KCNIP1: variants seen among roughly 807,000 people sequenced by gnomAD.
The protein encoded by KCNIP1 is potassium voltage-gated channel interacting protein 1, also known as A-type potassium channel modulatory protein KCNIP1.
Under a neutral mutation model 33.0 loss-of-function variants are expected in KCNIP1, and 18 were observed. The ratio of observed to expected loss-of-function variants is 0.55; its 90% CI spans 0.38 to 0.81. The LOEUF (loss-of-function observed/expected upper bound fraction) is 0.81. Among genes scored for constraint, KCNIP1 ranks in the 30% least tolerant of loss-of-function variants. KCNIP1 has a pLI of 0.00. For synonymous variants in KCNIP1, 93 were observed against 98.3 expected (o/e 0.95, Z 0.32); for missense variants, 238 against 271.6 (o/e 0.88, Z 0.87).
intron 1 of KCNIP1, among the ~76,000 whole-genome samples, chr5:170,644,437 A>T (rs1581438902): frequency 1.3e-5 from 2 of 152,098 alleles, no homozygotes; most frequent in East Asian, 3.9e-4. Context: ...CAAAGTCCAG[A>T]CTCCACTGGA....
chr5:170,397,767 T>A (rs1427028570), intron 1 of KCNIP1, among the ~76,000 whole-genome samples: 2 of 152,320 alleles, frequency 1.3e-5, no homozygotes, highest in East Asian at 3.9e-4. Flanking sequence ...TCAGGAGACC[T>A]TGAGAATATG....
At chr5:170,478,559 A>G (rs1359660622) in intron 1 of KCNIP1, among the ~76,000 whole-genome samples, 2 of 152,070 alleles carry the variant, frequency 1.3e-5, no homozygotes, top group Non-Finnish European at 2.9e-5. Flanking sequence ...CCTGTGTCCG[A>G]AGGCTTACTG....
At chr5:170,653,156 C>G (rs772010006) in intron 1 of KCNIP1, among the ~76,000 whole-genome samples, 10 of 152,328 alleles carry the variant, frequency 6.6e-5, no homozygotes, top group Admixed American at 1.3e-4. Flanking sequence ...GTCAGCCCAG[C>G]TATGAACCCC....
chr5:170,359,771 C>T (rs1763453532), intron 1 of KCNIP1, among the ~76,000 whole-genome samples: 1 of 152,176 alleles, frequency 6.6e-6, no homozygotes, highest in Non-Finnish European at 1.5e-5. Context: ...GCAGCAGGCC[C>T]AGCATTCCCT....
chr5:170,531,827 C>A (rs967512869), intron 1 of KCNIP1, among the ~76,000 whole-genome samples: 1 of 151,072 alleles, frequency 6.6e-6, no homozygotes, highest in Non-Finnish European at 1.5e-5. Flanking sequence ...CCCTTCCCAG[C>A]AAAGGAAAGT....
At chr5:170,569,373 G>A (rs537141286) in intron 1 of KCNIP1, among the ~76,000 whole-genome samples, 1 of 152,346 alleles carries the variant, frequency 6.6e-6, no homozygotes, top group South Asian at 2.1e-4. Flanking sequence ...TTTGACACTT[G>A]GCAAACATTT....
chr5:170,475,799 T>A (rs1443206188), intron 1 of KCNIP1, among the ~76,000 whole-genome samples: 2 of 151,840 alleles, frequency 1.3e-5, no homozygotes, highest in Non-Finnish European at 2.9e-5. Context: ...CCAATTTTGT[T>A]CAGGAATCCA....
intron 1 of KCNIP1, among the ~76,000 whole-genome samples, chr5:170,523,845 C>T (rs917110201): frequency 3.3e-5 from 5 of 152,192 alleles, no homozygotes; most frequent in African/African-American, 7.2e-5. Context: ...TCCATATTCT[C>T]TTCCCAGCCA....
intron 1 of KCNIP1, among the ~76,000 whole-genome samples, chr5:170,391,756 G>T (rs1754601543): frequency 6.6e-6 from 1 of 152,182 alleles, no homozygotes. Context: ...AAGTTACTTT[G>T]CCTCTCTAAG....
At chr5:170,535,508 ATGTGGGACTAGACAAAAGATGAG>A (rs1178369195) in intron 1 of KCNIP1, among the ~76,000 whole-genome samples, 6 of 152,076 alleles carry the variant, frequency 3.9e-5, no homozygotes, top group Admixed American at 1.3e-4. Context: ...ACTTCTGCTG[ATGTGGGACTAGACAAAAGATGAG>A]AGGGGACCAC....
chr5:170,630,346 T>C (rs1412171273), intron 1 of KCNIP1, among the ~76,000 whole-genome samples: 1 of 152,258 alleles, frequency 6.6e-6, no homozygotes, highest in Non-Finnish European at 1.5e-5. Flanking sequence ...TCCAGCAACA[T>C]GCATTCATTG....
intron 1 of KCNIP1, among the ~76,000 whole-genome samples, chr5:170,572,927 A>G (rs565141184): frequency 6.6e-6 from 1 of 152,368 alleles, no homozygotes; most frequent in East Asian, 1.9e-4. Flanking sequence ...AACATTACCT[A>G]TACCATCTCA....
At chr5:170,729,532 T>C (rs1379659368) in intron 5 of KCNIP1, among the ~76,000 whole-genome samples, 2 of 151,944 alleles carry the variant, frequency 1.3e-5, no homozygotes, top group East Asian at 3.9e-4. Context: ...TCTACACGAA[T>C]ATATAAAGAG....
intron 1 of KCNIP1, chr5:170,680,932 G>A (rs1338739639): frequency 1.8e-5 from 7 of 397,372 alleles, no homozygotes; most frequent in Admixed American, 4.4e-5. Context: ...AGGAAGGGAG[G>A]GAGGCAGAAA....
At chr5:170,501,354 T>C (rs2113224064), upstream of KCNIP1, among the ~76,000 whole-genome samples, 1 of 151,656 alleles carries the variant, frequency 6.6e-6, no homozygotes, top group South Asian at 2.1e-4. Flanking sequence ...ATCTGAGAAA[T>C]AGTGAGGGGT....
chr5:170,401,664 A>G (rs962114042), intron 1 of KCNIP1, among the ~76,000 whole-genome samples: 1 of 151,634 alleles, frequency 6.6e-6, no homozygotes, highest in Admixed American at 6.6e-5. Context: ...TGAGAGGCTG[A>G]GGTGGGAGGA....
chr5:170,577,060 T>A (rs2113505264), intron 1 of KCNIP1, among the ~76,000 whole-genome samples: 1 of 152,294 alleles, frequency 6.6e-6, no homozygotes, highest in East Asian at 1.9e-4. Flanking sequence ...GGTCACCATA[T>A]GTCTTTCCCA....
rs376520679 is a variant in KCNIP1 at position 170,732,760 on chromosome 5, C to T, written c.436-40C>T. ...CTGTCACCTAGGAAGAGCTTGACCTCATGGTTTCCACACTGTGTGCTTTTA... is the reference window on the plus strand; with the variant it reads ...CTGTCACCTAGGAAGAGCTTGACCTTATGGTTTCCACACTGTGTGCTTTTA... On this transcript the variant is annotated intron_variant, in intron 5 of 7. Transcript: ENST00000328939. The T allele has an allele frequency of 2.5e-5, 34 of 1,370,636 alleles. No individual in the cohort carries two copies. The African/African-American group carries it at 4.4e-4, about 18-fold the overall frequency. 84.9% of individuals were successfully genotyped at this position (1,370,636 alleles called of 1,614,324 possible). A position where few individuals can be genotyped will look rare whatever the true frequency, so the allele number is the denominator to read the frequency against.
At chr5:170,396,947 AAT>A (rs534319888) in intron 1 of KCNIP1, among the ~76,000 whole-genome samples, 474 of 152,312 alleles carry the variant, frequency 3.1e-3, no homozygotes, top group Non-Finnish European at 5.4e-3. Flanking sequence ...ATGTCAAATA[AAT>A]ATAGTTTGGG....
Sources: gnomAD v4.1 joint callset for allele counts (sites outside exome capture counted in the v4.1 genomes callset) on GRCh38, gnomAD v4.1.1 for gene constraint, MANE v1.5 for transcripts, NCBI Gene and HGNC (gene_info 2026-07-23, HGNC 2026-07-21) for gene names.